RAD51B: variants seen among roughly 807,000 people sequenced by gnomAD.
The protein encoded by RAD51B is RAD51 paralog B.
RAD51B carries 38 observed loss-of-function variants against 42.2 expected under a neutral mutation model. That is an observed-to-expected ratio of 0.90 (90% CI 0.70 to 1.18). The LOEUF is 1.18. Among genes scored for constraint, RAD51B ranks in the 50% most tolerant of loss-of-function variants. RAD51B has a pLI of 0.00. For synonymous variants in RAD51B, 154 were observed against 145.2 expected, an observed-to-expected ratio of 1.06 and a Z score of -0.43; for missense variants, 373 against 400.7, an observed-to-expected ratio of 0.93 and a Z score of 0.59.
At chr14:68,421,667 T>C (rs2084703985) in intron 9 of RAD51B, 6 of 1,520,328 alleles carry the variant, frequency 3.9e-6, no homozygotes, top group Non-Finnish European at 5.4e-6. Context: ...GAAGGAATGG[T>C]CTGGTGGTTA....
At chr14:68,150,749 T>C (rs982120395) in intron 7 of RAD51B, among the ~76,000 whole-genome samples, 4 of 152,188 alleles carry the variant, frequency 2.6e-5, no homozygotes, top group African/African-American at 7.2e-5. Flanking sequence ...TGTGTAGTTA[T>C]TTTAGTGATG....
intron 7 of RAD51B, among the ~76,000 whole-genome samples, chr14:68,046,127 T>C (rs2076295532): frequency 6.6e-6 from 1 of 152,146 alleles, no homozygotes. Context: ...AAGACTTTTA[T>C]ATTTTTTATT....
intron 7 of RAD51B, among the ~76,000 whole-genome samples, chr14:68,277,319 G>A (rs751637509): frequency 2.0e-5 from 3 of 152,156 alleles, no homozygotes; most frequent in Non-Finnish European, 2.9e-5. Context: ...CCAGTTCCAC[G>A]GGACATAACA....
At chr14:68,555,541 C>T (rs1256102185) in intron 10 of RAD51B, among the ~76,000 whole-genome samples, 1 of 152,188 alleles carries the variant, frequency 6.6e-6, no homozygotes, top group Non-Finnish European at 1.5e-5. Flanking sequence ...GGATCACAGT[C>T]TCCCCTCTTC....
At chr14:68,629,860 T>C (rs1892183921) in intron 10 of RAD51B, among the ~76,000 whole-genome samples, 1 of 152,266 alleles carries the variant, frequency 6.6e-6, no homozygotes, top group Non-Finnish European at 1.5e-5. Flanking sequence ...GTATTAAAGC[T>C]AATCCACCAT....
chr14:68,348,469 G>A (rs1453603322), intron 8 of RAD51B, among the ~76,000 whole-genome samples: 1 of 152,192 alleles, frequency 6.6e-6, no homozygotes, highest in African/African-American at 2.4e-5. Context: ...AATGGTTTAT[G>A]CAAGACTTGA....
At chr14:68,228,033 C>G (rs2080075933) in intron 7 of RAD51B, among the ~76,000 whole-genome samples, 1 of 152,114 alleles carries the variant, frequency 6.6e-6, no homozygotes, top group Non-Finnish European at 1.5e-5. Context: ...CAATAACCCT[C>G]TAAAGTAAGT....
At position 68,477,838 on chromosome 14, in the gene RAD51B, A is replaced by T. The variant is rs1882831113; in HGVS notation, c.*174A>T. 6.9e-7 allele frequency: 1 copy of T among 1,442,154 alleles called. No individual in the cohort carries two copies. The allele number at this position is 1,442,154 out of a possible 1,614,324, so 89.3% of individuals were successfully genotyped here. ...CCATTGAGCTAGCGATTTCAGACCT[A>T]GCAGGGAAGGTGAAGATGAAGAAGC... On this transcript the variant is annotated 3_prime_UTR_variant, in exon 11 of 11. Transcript: ENST00000471583.
chr14:67,982,519 C>A (rs1179933164), intron 7 of RAD51B, among the ~76,000 whole-genome samples: 1 of 152,072 alleles, frequency 6.6e-6, no homozygotes, highest in Non-Finnish European at 1.5e-5. Flanking sequence ...AAGGAGAAGA[C>A]CATTTCATAA....
intron 7 of RAD51B, among the ~76,000 whole-genome samples, chr14:68,087,893 ATAT>A (rs1335517773): frequency 1.7e-5 from 2 of 117,704 alleles, no homozygotes; most frequent in East Asian, 4.1e-4. Flanking sequence ...ATTATATAAT[ATAT>A]TATTTATATA....
chr14:68,429,571 T>A (rs1327391433), intron 9 of RAD51B, among the ~76,000 whole-genome samples: 1 of 152,254 alleles, frequency 6.6e-6, no homozygotes, highest in South Asian at 2.1e-4. Context: ...AAGTGTCTGT[T>A]CATATCCTTT....
chr14:68,215,948 A>G (rs2079805763), intron 7 of RAD51B, among the ~76,000 whole-genome samples: 1 of 152,102 alleles, frequency 6.6e-6, no homozygotes, highest in Non-Finnish European at 1.5e-5. Flanking sequence ...TTTATTCTTC[A>G]CCACCACCAC....
rs2083203939 is a variant in RAD51B at position 68,369,280 on chromosome 14, C to A, written c.854-42144C>A. On this transcript the variant is annotated intron_variant, in intron 8 of 10. Transcript: ENST00000471583. ...GTTTGGCTATTGTAAAATTTAGAAA[C>A]CCATTTAGGAAACCACCATCAGGAT... Among the ~76,000 whole-genome samples, 3 of 152,214 alleles carry A rather than the reference C, an allele frequency of 2.0e-5. No individual in the cohort carries two copies. The South Asian group carries it at 6.2e-4, about 31-fold the overall frequency.
intron 8 of RAD51B, among the ~76,000 whole-genome samples, chr14:68,378,444 G>T (rs2083414224): frequency 6.6e-6 from 1 of 152,094 alleles, no homozygotes; most frequent in South Asian, 2.1e-4. Context: ...TATATGGTCT[G>T]TTCCCTAAGT....
At chr14:68,160,739 T>G (rs918983176) in intron 7 of RAD51B, among the ~76,000 whole-genome samples, 1 of 152,194 alleles carries the variant, frequency 6.6e-6, no homozygotes, top group African/African-American at 2.4e-5. Context: ...TTTAATCTAC[T>G]AAATCCCTTT....
rs1028805729 is a variant in RAD51B, at chr14:68,065,963, A to G, written c.756+178759A>G. 2.6e-5 allele frequency among the ~76,000 whole-genome samples: 4 copies of G among 152,146 alleles called. No individual in the cohort carries two copies. The East Asian group carries it at 5.8e-4, about 22-fold the overall frequency. On this transcript the variant is annotated intron_variant, in intron 7 of 10. Transcript: ENST00000471583. ...TATCAGAAGCTTTACATTGTCTCAT[A>G]TATCTTCTTTTACTTCATAATTATT...
Position 67,874,860 on chromosome 14 carries a change from G to A in RAD51B, c.452+9721G>A, listed in dbSNP as rs141064670. 2.4e-3 allele frequency among the ~76,000 whole-genome samples: 360 copies of A among 152,172 alleles called. 1 individual carries two copies. Among genetic ancestry groups the A allele is most frequent in the African/African-American group, 8.3e-3 (343 of 41,500 alleles). ...GAACTGAATTAACAATATATTGTCC[G>A]TATTAGAGACAGTTACAAAAAGATG... is the stretch of plus-strand genomic sequence containing the variant. On this transcript the variant is annotated intron_variant, in intron 5 of 10. Coordinates refer to ENST00000471583, the MANE Select transcript of RAD51B (RefSeq NM_133510.4).
rs1339688309 is a variant in RAD51B, at chr14:68,230,924, T to G, written c.757-60960T>G. ...CATTATCACACATGGAAGGTCAACA[T>G]TAGGGCCAGTCATTGGAGTTAAACT... On this transcript the variant is annotated intron_variant, in intron 7 of 10. Coordinates refer to ENST00000471583, the MANE Select transcript of RAD51B (RefSeq NM_133510.4). Among the ~76,000 whole-genome samples the G allele has an allele frequency of 2.0e-5, 3 of 152,198 alleles. No individual in the cohort carries two copies. The East Asian group carries it at 5.8e-4, about 29-fold the overall frequency.
chr14:67,894,221 TA>T (rs1237473646), intron 7 of RAD51B, among the ~76,000 whole-genome samples: 1 of 152,222 alleles, frequency 6.6e-6, no homozygotes, highest in Non-Finnish European at 1.5e-5. Context: ...TTTTACTAGT[TA>T]CCTCGTTCCA....
Sources: gnomAD v4.1 joint callset for allele counts (sites outside exome capture counted in the v4.1 genomes callset) on GRCh38, gnomAD v4.1.1 for gene constraint, MANE v1.5 for transcripts, NCBI Gene and HGNC (gene_info 2026-07-23, HGNC 2026-07-21) for gene names.